TLE2: variants seen among roughly 807,000 people sequenced by gnomAD.
The protein encoded by TLE2 is TLE family member 2, transcriptional corepressor.
TLE2 carries 74 observed loss-of-function variants against 97.2 expected under a neutral mutation model. That is an observed-to-expected ratio of 0.76 (90% CI 0.63 to 0.92). The LOEUF (loss-of-function observed/expected upper bound fraction) is 0.92. TLE2 is among the 40% of genes least tolerant of loss of function. TLE2 has a pLI of 0.00. For missense variants in TLE2, 1,038 were observed against 1,008.7 expected, an observed-to-expected ratio of 1.03 and a Z score of -0.39; for synonymous variants, 499 against 432.1, an observed-to-expected ratio of 1.15 and a Z score of -1.92.
chr19:3,015,862 G>C (rs1447624221), intron 8 of TLE2, 102 bp from the exon 9 acceptor site: 1 of 862,844 alleles, frequency 1.2e-6, no homozygotes, highest in Non-Finnish European at 1.9e-6. Context: ...CATTATTAGG[G>C]TCCGGACCTC....
chr19:3,015,619 C>T lies in TLE2; in HGVS notation c.678+34G>A, dbSNP rs745860503. 21 of 1,526,418 alleles carry T rather than the reference C, an allele frequency of 1.4e-5. No individual in the cohort carries two copies. In the South Asian group the frequency reaches 1.4e-4, roughly 10 times the overall value. 94.6% of individuals were successfully genotyped at this position (1,526,418 alleles called of 1,614,324 possible). A position where few individuals can be genotyped will look rare whatever the true frequency, so the allele number is the denominator to read the frequency against. On this transcript the variant is annotated intron_variant, in intron 9 of 19. Coordinates refer to ENST00000262953, the MANE Select transcript of TLE2 (RefSeq NM_003260.5). The stretch of plus-strand genomic sequence containing the variant: ...GGGCCAGGCTGGTCTGGGCCATGCA[C>T]GCCCATCCCAGTCCTGCACCTGCCC...
At chr19:3,030,548 C>G (rs968739599), upstream of TLE2, among the ~76,000 whole-genome samples, 17 of 152,088 alleles carry the variant, frequency 1.1e-4, no homozygotes, top group African/African-American at 3.6e-4. Flanking sequence ...GACTTGTGTC[C>G]TTAGGTGATC....
intron 5 of TLE2, among the ~76,000 whole-genome samples, chr19:3,022,304 C>T (rs899104724): frequency 2.0e-5 from 3 of 151,942 alleles, no homozygotes; most frequent in African/African-American, 7.3e-5. Context: ...GATGGATCAC[C>T]TGAGGTCAGT....
chr19:3,044,224 C>G (rs1378444301), intron 1 of TLE2, among the ~76,000 whole-genome samples: 1 of 152,002 alleles, frequency 6.6e-6, no homozygotes, highest in Non-Finnish European at 1.5e-5. Context: ...GGGGCCTCCT[C>G]GTGACTTTCT....
chr19:3,017,817 G>C (rs766064303), intron 8 of TLE2, 23 bp downstream of exon 8: 2 of 1,610,116 alleles, frequency 1.2e-6, no homozygotes, highest in African/African-American at 1.3e-5. Flanking sequence ...TATAAAAAGA[G>C]TCCCAGGGTG....
In TLE2 at chr19:3,005,771, G is replaced by A. The variant is rs1411289962; in HGVS notation, c.1698C>T (p.Cys566=). ...SPDAKVCFSC[C]SDGNIVVWDL... The stretch of plus-strand genomic sequence containing the variant: ...CCCAGACCACAATGTTGCCATCGCT[G>A]CAGCAGGAGAAGCAAACCTTGGCGT... Residue 566 remains cysteine (C), a synonymous_variant, in exon 16 of 20, where the codon TGC becomes TGT. Transcript: ENST00000262953. 2 of 1,613,960 alleles carry A rather than the reference G, an allele frequency of 1.2e-6. No individual in the cohort carries two copies.
intron 5 of TLE2, among the ~76,000 whole-genome samples, chr19:3,022,016 G>C (rs1555693344): frequency 1.3e-5 from 2 of 151,920 alleles, no homozygotes; most frequent in Non-Finnish European, 2.9e-5. Context: ...GACCAGCCTG[G>C]GCAACATGGT....
chr19:3,001,339 T>A (rs2089354409), intron 18 of TLE2, among the ~76,000 whole-genome samples: 1 of 151,828 alleles, frequency 6.6e-6, no homozygotes, highest in South Asian at 2.1e-4. Context: ...GGTCTCAAAC[T>A]CCTGGCCTCA....
In TLE2 at chr19:3,000,776, G is replaced by A. The variant is rs986657922; in HGVS notation, c.2048-53C>T. ...AGGAGGGGGCACTAACGAGAGACCC[G>A]GGCTGCAGGGGGAGGTCGGGGAAGC... On this transcript the variant is annotated intron_variant, in intron 18 of 19. Coordinates refer to ENST00000262953, the MANE Select transcript of TLE2 (RefSeq NM_003260.5). 71 of 1,423,560 alleles carry A rather than the reference G, an allele frequency of 5.0e-5. 2 individuals carry two copies. The South Asian group carries it at 6.3e-4, about 13-fold the overall frequency. 88.2% of individuals were successfully genotyped at this position (1,423,560 alleles called of 1,614,324 possible).
At chr19:3,002,535 G>C (rs556114214) in intron 17 of TLE2, 32 bp from the exon 18 acceptor site, 1 of 1,541,526 alleles carries the variant, frequency 6.5e-7, no homozygotes, top group East Asian at 2.5e-5. Context: ...ATGGGGTCAC[G>C]AGCCCCTCTT....
intron 18 of TLE2, among the ~76,000 whole-genome samples, chr19:3,001,980 T>C (rs1466251778): frequency 2.0e-5 from 3 of 151,948 alleles, no homozygotes; most frequent in African/African-American, 7.3e-5. Context: ...GTACTTTTAA[T>C]AGAGTCAGGG....
At chr19:3,020,377 C>G (rs559805733) in intron 5 of TLE2, 1 of 152,312 alleles carries the variant, frequency 6.6e-6, no homozygotes, top group Non-Finnish European at 1.5e-5. Context: ...TGGCCTCCAC[C>G]CACTCCATGC....
At chr19:3,007,747 G>C (rs1002010059) in intron 14 of TLE2, among the ~76,000 whole-genome samples, 1 of 152,062 alleles carries the variant, frequency 6.6e-6, no homozygotes, top group African/African-American at 2.4e-5. Context: ...TAGGAGCCCC[G>C]GCCACCTGTG....
At chr19:3,006,283 G>A (rs2095373684) in intron 15 of TLE2, 137 bp downstream of exon 15, 3 of 1,372,486 alleles carry the variant, frequency 2.2e-6, no homozygotes, top group South Asian at 1.3e-5. Context: ...ATGCGACTAC[G>A]AGCTCCGCCC....
chr19:3,005,361 G>A, intron 17 of TLE2, 76 bp downstream of exon 17: 2 of 1,544,592 alleles, frequency 1.3e-6, no homozygotes, highest in East Asian at 2.3e-5. Context: ...CTCTGGAAGT[G>A]GGCACCTCAC....
intron 9 of TLE2, among the ~76,000 whole-genome samples, chr19:3,015,156 G>A (rs2089676171): frequency 6.6e-6 from 1 of 151,994 alleles, no homozygotes; most frequent in South Asian, 2.1e-4. Context: ...AGTCTCCGGG[G>A]ATCAAGTTGC....
Position 3,006,176 on chromosome 19 carries a change from C to A in TLE2, c.1501-208G>T, listed in dbSNP as rs780992552. On this transcript the variant is annotated intron_variant, in intron 15 of 19. Coordinates refer to ENST00000262953, the MANE Select transcript of TLE2 (RefSeq NM_003260.5). ...AAGCTCCATCCTTTACCTATAAGCCCCACCCATGGTTGGCCTGCAAACCCT... is the reference window on the plus strand; with the variant it reads ...AAGCTCCATCCTTTACCTATAAGCCACACCCATGGTTGGCCTGCAAACCCT... 33 of 948,856 alleles carry A rather than the reference C, an allele frequency of 3.5e-5. No homozygotes were observed. The Admixed American group carries it at 4.1e-4, about 12-fold the overall frequency. 58.8% of individuals were successfully genotyped at this position (948,856 alleles called of 1,614,324 possible).
At chr19:2,999,741 A>G (rs2089311618) in intron 19 of TLE2, among the ~76,000 whole-genome samples, 1 of 64,400 alleles carries the variant, frequency 1.6e-5, no homozygotes, top group Non-Finnish European at 2.8e-5. Context: ...AAAAAAAAAG[A>G]AAGAAAAACA....
At chr19:3,017,475 G>A (rs2089736593) in intron 8 of TLE2, among the ~76,000 whole-genome samples, 2 of 128,116 alleles carry the variant, frequency 1.6e-5, no homozygotes, top group South Asian at 2.4e-4. Flanking sequence ...TTTTGAGACA[G>A]GGTCTTACTC....
Sources: gnomAD v4.1 joint callset for allele counts (sites outside exome capture counted in the v4.1 genomes callset) on GRCh38, gnomAD v4.1.1 for gene constraint, MANE v1.5 for transcripts, NCBI Gene and HGNC (gene_info 2026-07-23, HGNC 2026-07-21) for gene names.